The following ENTR1 variants were observed in gnomAD, a reference collection of about 807,000 sequenced individuals.
ENTR1 encodes endosome-associated-trafficking regulator 1.
Under a neutral mutation model 47.9 loss-of-function variants are expected in ENTR1, and 47 were observed. The observed-to-expected ratio is 0.98, with a 90% confidence interval of 0.78 to 1.25. The LOEUF (loss-of-function observed/expected upper bound fraction) is 1.25. Ranked by LOEUF, ENTR1 falls within the 50% of genes most tolerant of loss-of-function variation. The pLI is 0.00. For synonymous variants in ENTR1, 290 were observed against 245.8 expected (o/e 1.18, Z -1.68); for missense variants, 668 against 570.5 (o/e 1.17, Z -1.74).
At position 136,402,792 on chromosome 9, in the gene ENTR1, G is replaced by A. The variant is rs773603430; in HGVS notation, c.1304C>T (p.Ser435Phe). 1 of 1,611,168 alleles carries A rather than the reference G, an allele frequency of 6.2e-7. No individual in the cohort carries two copies. The highest frequency in any genetic ancestry group is 8.5e-7 in the Non-Finnish European group (1 of 1,178,314). The change falls in exon 10 of 10, where the codon TCT (serine) becomes TTT (phenylalanine). Residue 435 changes from serine (S) to phenylalanine (F), a missense_variant. Ser to Phe is a radical substitution (Grantham distance 155). Coordinates refer to ENST00000357365, the MANE Select transcript of ENTR1 (RefSeq NM_001039707.2). The stretch of plus-strand genomic sequence containing the variant: ...GCTGAGAACACCCAGGGGTCCTCAA[G>A]AGTCTTCCTCCTCGTCTTTAACTTC... ...ISEVKDEEEDS is the reference protein window; with the variant it reads ...ISEVKDEEEDF
rs560997546 is a variant in ENTR1, at chr9:136,402,537, C to T, written c.*251G>A. The T allele has an allele frequency of 2.7e-4, 99 of 369,476 alleles. No homozygotes were observed. The highest frequency in any genetic ancestry group is 1.9e-3 in the African/African-American group (92 of 48,052). 22.9% of individuals were successfully genotyped at this position (369,476 alleles called of 1,614,324 possible). On this transcript the variant is annotated 3_prime_UTR_variant, in exon 10 of 10. Coordinates refer to ENST00000357365, the MANE Select transcript of ENTR1 (RefSeq NM_001039707.2). ...CTTTTATGACAATGTCTTCCAAGAG[C>T]TCATTAGAATCTATAAGATCGCAGG...
rs1223880707 is a variant in ENTR1 at position 136,410,579 on chromosome 9, C to G, written c.-182G>C. On this transcript the variant is annotated 5_prime_UTR_variant, in exon 1 of 10. Coordinates refer to ENST00000357365, the MANE Select transcript of ENTR1 (RefSeq NM_001039707.2). ...GCTTCCGCTCCGAGCACCGAAAGCG[C>G]GTGCCTGAACGCCTTGGGCCGTCGG... 1.7e-6 allele frequency: 2 copies of G among 1,189,280 alleles called. No individual in the cohort carries two copies. Among genetic ancestry groups the G allele is most frequent in the African/African-American group, 1.5e-5 (1 of 64,582 alleles). 73.7% of individuals were successfully genotyped at this position (1,189,280 alleles called of 1,614,324 possible).
intron 5 of ENTR1, among the ~76,000 whole-genome samples, chr9:136,406,241 G>A (rs1294433695): frequency 1.3e-5 from 2 of 152,072 alleles, no homozygotes; most frequent in African/African-American, 4.8e-5. Flanking sequence ...AGGCCGAGGT[G>A]GGCGGATCAC....
Position 136,407,345 on chromosome 9 carries a change from G to A in ENTR1, c.619C>T (p.Pro207Ser), listed in dbSNP as rs1834817863. 1.2e-6 allele frequency: 2 copies of A among 1,607,876 alleles called. No individual in the cohort carries two copies. The highest frequency in any genetic ancestry group is 1.7e-6 in the Non-Finnish European group (2 of 1,178,102). The change falls in exon 5 of 10, where the codon CCC becomes TCC. Residue 207 changes from proline to serine, a missense_variant. Physicochemically the swap from Pro to Ser is moderately conservative, Grantham distance 74 (BLOSUM62 -1). Transcript: ENST00000357365. ...AAAAAGGAAAGGTATGTGCTGCAGGGCGACGTGCCGGCAGGGACCCTCTCG... is the reference window on the plus strand; with the variant it reads ...AAAAAGGAAAGGTATGTGCTGCAGGACGACGTGCCGGCAGGGACCCTCTCG... ...HPERVPAGTS[P>S]CSTYLSFFST...
rs1162679997 is a variant in ENTR1 at position 136,407,837 on chromosome 9, T to C, written c.391A>G (p.Ile131Val). The change falls in exon 4 of 10, where the codon ATT becomes GTT. Residue 131 changes from isoleucine to valine, a missense_variant. Transcript: ENST00000357365. ...TGCCGTGGATTTACCTTTGCATAAA[T>C]TCTGCTGGCCGGATCCTCTTTCGAG... ...GLSKEDPASRIYAKEASRHSL... is the reference protein window; with the variant it reads ...GLSKEDPASRVYAKEASRHSL... The C allele has an allele frequency of 1.2e-6, 2 of 1,611,030 alleles. No homozygotes were observed. Among genetic ancestry groups the C allele is most frequent in the Admixed American group, 1.7e-5 (1 of 60,006 alleles).
At chr9:136,407,611 G>T in intron 4 of ENTR1, 50 bp from the exon 5 acceptor site, 1 of 1,502,682 alleles carries the variant, frequency 6.7e-7, no homozygotes, top group South Asian at 1.4e-5. Context: ...TTCTGACTCG[G>T]AGCGCATCTT....
At chr9:136,407,661 A>C in intron 4 of ENTR1, 100 bp from the exon 5 acceptor site, 2 of 1,462,326 alleles carry the variant, frequency 1.4e-6, no homozygotes, top group Non-Finnish European at 1.8e-6. Flanking sequence ...GAAAGGCCCA[A>C]TCTCTCTACC....
In ENTR1 at chr9:136,402,852, A is replaced by G. The variant is rs765352352; in HGVS notation, c.1244T>C (p.Val415Ala). 2.5e-6 allele frequency: 4 copies of G among 1,612,858 alleles called. No individual in the cohort carries two copies. In the African/African-American group the frequency reaches 4.0e-5, roughly 16 times the overall value. ...GTCTATAGATTTAAGGATTTCGGCA[A>G]CAAGATTCAGTGTCTCAGCTCCGGA... ...LVSGAETLNL[V>A]AEILKSIDRI... The change falls in exon 10 of 10, where the codon GTT becomes GCT. Residue 415 changes from valine (V) to alanine (A), a missense_variant. By Grantham distance (64) the Val-to-Ala change is moderately conservative. Coordinates refer to ENST00000357365, the MANE Select transcript of ENTR1 (RefSeq NM_001039707.2).
rs1835022203 is a variant in ENTR1, at chr9:136,410,135, T to C, written c.175A>G (p.Met59Val). 6.2e-7 allele frequency: 1 copy of C among 1,612,366 alleles called. No individual in the cohort carries two copies. The highest frequency in any genetic ancestry group is 8.5e-7 in the Non-Finnish European group (1 of 1,179,828). The change falls in exon 2 of 10, where the codon ATG becomes GTG. Residue 59 changes from methionine (M) to valine (V), a missense_variant. Transcript: ENST00000357365. Reference protein sequence around the residue: ...SPFFGIRPAFMCYVPSPVLAS... With the variant: ...SPFFGIRPAFVCYVPSPVLAS... ...AGCACCGGGCTGGGCACATAGCACA[T>C]AAAGGCCGGCCGAATGCCGAAGAAG...
At chr9:136,405,335 A>G in intron 6 of ENTR1, 133 bp from the exon 7 acceptor site, 2 of 693,034 alleles carry the variant, frequency 2.9e-6, no homozygotes, top group Non-Finnish European at 5.0e-6. Context: ...GAGGGGAGGC[A>G]GCGGCAGCCT....
chr9:136,405,913 T>C lies in ENTR1; in HGVS notation c.885A>G (p.Gln295=), dbSNP rs750242183. The stretch of plus-strand genomic sequence containing the variant: ...ACTAAAAGCTTACATACATTTCTGT[T>C]TGAGCTTCAGAGAAGCTCTGAACCT... The part of the protein sequence containing the change: ...LNEVQSFSEA[Q]TEMVRTLERK... The change falls in exon 6 of 10, where the codon CAA becomes CAG. Residue 295 remains glutamine, a synonymous_variant. Coordinates refer to ENST00000357365, the MANE Select transcript of ENTR1 (RefSeq NM_001039707.2). The C allele has an allele frequency of 6.3e-7, 1 of 1,594,192 alleles. No individual in the cohort carries two copies. The highest frequency in any genetic ancestry group is 2.2e-5 in the East Asian group (1 of 44,448).
intron 9 of ENTR1, 64 bp from the exon 10 acceptor site, chr9:136,402,951 G>C: frequency 8.1e-7 from 1 of 1,230,458 alleles, no homozygotes; most frequent in Non-Finnish European, 1.2e-6. Context: ...AGGGTTCTGG[G>C]GGGAGAAAGG....
At position 136,410,344 on chromosome 9, in the gene ENTR1, G is replaced by C; in HGVS notation, c.54C>G (p.Ser18Arg). The C allele has an allele frequency of 6.5e-7, 1 of 1,543,526 alleles. No individual in the cohort carries two copies. Among genetic ancestry groups the C allele is most frequent in the South Asian group, 1.2e-5 (1 of 83,752 alleles). Residue 18 changes from serine (S) to arginine (R), a missense_variant, in exon 1 of 10, where the codon AGC (serine) becomes AGG (arginine). Coordinates refer to ENST00000357365, the MANE Select transcript of ENTR1 (RefSeq NM_001039707.2). ...CCCGCTCACCGTCGGGAATGGCGAGGCTCCGGGCTCGGGACAGCGGGGTGG... is the reference window on the plus strand; with the variant it reads ...CCCGCTCACCGTCGGGAATGGCGAGCCTCCGGGCTCGGGACAGCGGGGTGG... ...PGATPLSRAR[S>R]LAIPDAPAFY... is the part of the protein sequence containing the mutation.
In ENTR1 at chr9:136,407,917, T is replaced by G. The variant is rs775053965; in HGVS notation, c.311A>C (p.Glu104Ala). The G allele has an allele frequency of 1.2e-6, 2 of 1,608,020 alleles. No homozygotes were observed. Among genetic ancestry groups the G allele is most frequent in the South Asian group, 1.1e-5 (1 of 90,968 alleles). ...TCTAAAAGAGAATGGATTTGCCTCT[T>G]CCAGATCTTCAAATCTGTCATCTGA... ...HFGDDRFEDL[E>A]EANPFSFREF... is the part of the protein sequence containing the mutation. The change falls in exon 4 of 10, where the codon GAA becomes GCA. Residue 104 changes from glutamate to alanine, a missense_variant. Transcript: ENST00000357365.
rs773050192 is a variant in ENTR1 at position 136,407,580 on chromosome 9, A to G, written c.403-19T>C. 3.8e-5 allele frequency: 58 copies of G among 1,541,008 alleles called. No individual in the cohort carries two copies. Among genetic ancestry groups the G allele is most frequent in the Non-Finnish European group, 4.9e-5 (56 of 1,147,926 alleles). On this transcript the variant is annotated intron_variant, in intron 4 of 9. Transcript: ENST00000357365. ...AGGCTTCCTAAAAAAAAAAAAAAAAAAAAAACAATGGAGGCCATGCTTCTG... is the reference window on the plus strand; with the variant it reads ...AGGCTTCCTAAAAAAAAAAAAAAAAGAAAAACAATGGAGGCCATGCTTCTG...
intron 2 of ENTR1, among the ~76,000 whole-genome samples, chr9:136,409,483 C>G (rs1429158353): frequency 6.6e-6 from 1 of 152,140 alleles, no homozygotes; most frequent in Non-Finnish European, 1.5e-5. Flanking sequence ...GCCCGGTCAG[C>G]CGAGAAAACT....
chr9:136,405,703 C>T (rs576073442), intron 6 of ENTR1, among the ~76,000 whole-genome samples: 1 of 152,380 alleles, frequency 6.6e-6, no homozygotes, highest in East Asian at 1.9e-4. Flanking sequence ...GATTGCGCCA[C>T]TGCACCCGAG....
chr9:136,406,037 G>T, intron 5 of ENTR1, 59 bp from the exon 6 acceptor site: 1 of 1,328,646 alleles, frequency 7.5e-7, no homozygotes. Context: ...AAGGGCGTGT[G>T]CTTCTGCGGT....
At chr9:136,406,879 C>G in intron 5 of ENTR1, 1 of 380,028 alleles carries the variant, frequency 2.6e-6, no homozygotes, top group East Asian at 3.9e-5. Context: ...GCGACTGCAG[C>G]CTGCCTTTAC....
Sources: gnomAD v4.1 joint callset for allele counts (sites outside exome capture counted in the v4.1 genomes callset) on GRCh38, gnomAD v4.1.1 for gene constraint, MANE v1.5 for transcripts, NCBI Gene and HGNC (gene_info 2026-07-23, HGNC 2026-07-21) for gene names.